BAP1: variants seen among roughly 807,000 people sequenced by gnomAD.
The protein encoded by BAP1 is ubiquitin carboxyl-terminal hydrolase BAP1.
In BAP1, 16 loss-of-function variants were observed where a neutral mutation model predicts 77.2. That is an observed-to-expected ratio of 0.21 (90% CI 0.14 to 0.31). The LOEUF (loss-of-function observed/expected upper bound fraction) is 0.31, where lower values mean the gene tolerates loss of function less well. BAP1 is among the 10% of genes least tolerant of loss of function. BAP1 has a pLI of 1.00. For missense variants in BAP1, 699 were observed against 967.3 expected, an observed-to-expected ratio of 0.72 and a Z score of 3.68; for synonymous variants, 362 against 385.2, an observed-to-expected ratio of 0.94 and a Z score of 0.71.
In BAP1 at chr3:52,402,322, T is replaced by C; in HGVS notation, c.2156A>G (p.Lys719Arg). The C allele has an allele frequency of 6.3e-7, 1 of 1,595,686 alleles. No individual in the cohort carries two copies. The highest frequency in any genetic ancestry group is 1.1e-5 in the South Asian group (1 of 88,040). The change falls in exon 17 of 17, where the codon AAA (lysine) becomes AGA (arginine). Residue 719 changes from lysine (K) to arginine (R), a missense_variant. Coordinates refer to ENST00000460680, the MANE Select transcript of BAP1 (RefSeq NM_004656.4). The surrounding 1 kb of genome is among the most constrained non-coding windows in gnomAD (Gnocchi z 5.3). Reference protein sequence around the residue: ...LHKQRKPDRRKRSRPYKAKRQ With the variant: ...LHKQRKPDRRRRSRPYKAKRQ The stretch of plus-strand genomic sequence containing the variant: ...CTTGGCCTTGTAGGGGCGAGAGCGT[T>C]TCCGCCGGTCAGGCTTCCGCTGCTT...
intron 12 of BAP1, 146 bp downstream of exon 12, chr3:52,404,307 C>T: frequency 2.2e-6 from 3 of 1,380,310 alleles, no homozygotes. Flanking sequence ...CTGGGGTCAG[C>T]CCCATCATGC....
rs924673060 is a variant in BAP1 at position 52,403,906 on chromosome 3, G to A, written c.1251-12C>T. 7.4e-6 allele frequency: 12 copies of A among 1,613,368 alleles called. No homozygotes were observed. Among genetic ancestry groups the A allele is most frequent in the African/African-American group, 4.0e-5 (3 of 74,896 alleles). ...CCTTCCCCTTATACCTGTGGGGCCC[G>A]AGAAGATGTGAAGCAAGGGAACGGG... On this transcript the variant is annotated splice_polypyrimidine_tract_variant and intron_variant, in intron 12 of 16. Transcript: ENST00000460680. This position sits in a 1 kb window ranked among gnomAD's most constrained non-coding sequence, Gnocchi z 4.0.
rs1325337957 is a variant in BAP1, at chr3:52,401,793, G to GGGCCCAGAGCCCAGGGCC, written c.*477_*494dup. The GGGCCCAGAGCCCAGGGCC allele has an allele frequency of 3.9e-6, 1 of 253,458 alleles. No individual in the cohort carries two copies. Among genetic ancestry groups the GGGCCCAGAGCCCAGGGCC allele is most frequent in the Non-Finnish European group, 7.7e-6 (1 of 129,182 alleles). 15.7% of individuals were successfully genotyped at this position (253,458 alleles called of 1,614,324 possible). ...GCTGGTGGCTGGGGCTAGAGCAGCA[G>GGGCCCAGAGCCCAGGGCC]GGCCCAGAGCCCAGGGCCCACCCAG... On this transcript the variant is annotated 3_prime_UTR_variant, in exon 17 of 17. Transcript: ENST00000460680.
In BAP1 at chr3:52,408,602, C is replaced by G. The variant is rs772586945; in HGVS notation, c.127G>C (p.Val43Leu). 1 of 1,609,220 alleles carries G rather than the reference C, an allele frequency of 6.2e-7. No homozygotes were observed. The highest frequency in any genetic ancestry group is 8.5e-7 in the Non-Finnish European group (1 of 1,177,996). ...TTGAACAGGAAGATAAATCCATATA[C>G]AGGGCTGGGGGAAGTAAGGGGCAGA... is the stretch of plus-strand genomic sequence containing the variant. Reference protein sequence around the residue: ...YDLQSKCQGPVYGFIFLFKWI... With the variant: ...YDLQSKCQGPLYGFIFLFKWI... Residue 43 changes from valine (V) to leucine (L), a missense_variant, in exon 4 of 17, where the codon GTA becomes CTA. Physicochemically the swap from Val to Leu is conservative, Grantham distance 32. This residue lies in a region of BAP1 where 160 missense variants were observed against 322.8 expected (regional missense o/e 0.50). Coordinates refer to ENST00000460680, the MANE Select transcript of BAP1 (RefSeq NM_004656.4).
chr3:52,409,404 G>C (rs951425763), intron 3 of BAP1, 150 bp downstream of exon 3: 4 of 1,069,682 alleles, frequency 3.7e-6, no homozygotes, highest in Non-Finnish European at 5.8e-6. Context: ...AGTTTGATCA[G>C]GAGCGGGCAC....
chr3:52,403,489 A>G lies in BAP1; in HGVS notation c.1656T>C (p.Asp552=), dbSNP rs778423438. Residue 552 remains aspartate, a synonymous_variant, in exon 13 of 17, where the codon GAT becomes GAC. Coordinates refer to ENST00000460680, the MANE Select transcript of BAP1 (RefSeq NM_004656.4). The surrounding 1 kb of genome is among the most constrained non-coding windows in gnomAD (Gnocchi z 4.0). ...DCIRYNRAVR[D]LGPVISTGLL... The stretch of plus-strand genomic sequence containing the variant: ...GGCCTGTGCTGATGACAGGACCCAG[A>G]TCACGGACAGCACGGTTGTAGCGTA... The G allele has an allele frequency of 1.2e-6, 2 of 1,613,984 alleles. No homozygotes were observed. The highest frequency in any genetic ancestry group is 2.2e-5 in the East Asian group (1 of 44,882).
rs1395021877 is a variant in BAP1, at chr3:52,403,362, TC to T, written c.1729+53del. 1.0e-4 allele frequency: 168 copies of T among 1,611,912 alleles called. No individual in the cohort carries two copies. Among genetic ancestry groups the T allele is most frequent in the Non-Finnish European group, 1.4e-4 (161 of 1,179,250 alleles). On this transcript the variant is annotated intron_variant, in intron 13 of 16. Coordinates refer to ENST00000460680, the MANE Select transcript of BAP1 (RefSeq NM_004656.4). This position sits in a 1 kb window ranked among gnomAD's most constrained non-coding sequence, Gnocchi z 4.0. The stretch of plus-strand genomic sequence containing the variant: ...GACACTTTGTGGTCACTTGGCCACT[TC>T]CCTCCTCCCTCCTGGGTGCACCAAG...
rs865868131 is a variant in BAP1 at position 52,406,446 on chromosome 3, C to G, written c.660-70G>C. The G allele has an allele frequency of 6.2e-7, 1 of 1,601,606 alleles. No homozygotes were observed. Among genetic ancestry groups the G allele is most frequent in the South Asian group, 1.1e-5 (1 of 90,396 alleles). ...CCGCCATCAGGTTGAGGCAGATATC[C>G]TGGCAGGGCTCCCTGCAGTCACACC... On this transcript the variant is annotated intron_variant, in intron 8 of 16. Coordinates refer to ENST00000460680, the MANE Select transcript of BAP1 (RefSeq NM_004656.4). The surrounding 1 kb of genome is among the most constrained non-coding windows in gnomAD (Gnocchi z 4.6).
chr3:52,408,698 C>T (rs1015880029), intron 3 of BAP1, 92 bp from the exon 4 acceptor site: 21 of 1,448,022 alleles, frequency 1.5e-5, no homozygotes, highest in African/African-American at 2.8e-5. Context: ...TGCACTGCGT[C>T]ATCACTCAGG....
intron 3 of BAP1, 98 bp downstream of exon 3, chr3:52,409,456 T>A (rs912962299): frequency 1.3e-6 from 2 of 1,485,782 alleles, no homozygotes; most frequent in African/African-American, 1.4e-5. Context: ...TTTTACAACG[T>A]AGGGTTCCTG....
chr3:52,407,857 A>G (rs1705215236), intron 5 of BAP1, 101 bp downstream of exon 5: 8 of 1,536,584 alleles, frequency 5.2e-6, no homozygotes, highest in Non-Finnish European at 7.1e-6. Flanking sequence ...AAAAAGAAAC[A>G]GCCTAATAGT....
chr3:52,402,035 C>T lies in BAP1; in HGVS notation c.*253G>A. The T allele has an allele frequency of 1.6e-6, 1 of 611,342 alleles. No homozygotes were observed. The highest frequency in any genetic ancestry group is 2.8e-6 in the Non-Finnish European group (1 of 352,448). 37.9% of individuals were successfully genotyped at this position (611,342 alleles called of 1,614,324 possible). A position where few individuals can be genotyped will look rare whatever the true frequency, so the allele number is the denominator to read the frequency against. On this transcript the variant is annotated 3_prime_UTR_variant, in exon 17 of 17. Transcript: ENST00000460680. This position sits in a 1 kb window ranked among gnomAD's most constrained non-coding sequence, Gnocchi z 5.3. Reference sequence around the variant, plus strand: ...CCAGGTCCTGCTGCTCCACAGCCGGCTGTGGAGGAAGCTGCAGTACCTCGC... The same window carrying T: ...CCAGGTCCTGCTGCTCCACAGCCGGTTGTGGAGGAAGCTGCAGTACCTCGC...
At chr3:52,404,304 C>T (rs1705075258) in intron 12 of BAP1, 149 bp downstream of exon 12, 2 of 1,342,174 alleles carry the variant, frequency 1.5e-6, no homozygotes, top group African/African-American at 1.4e-5. Flanking sequence ...GACCTGGGGT[C>T]AGCCCCATCA....
rs777869443 is a variant in BAP1 at position 52,408,533 on chromosome 3, C to T, written c.196G>A (p.Val66Met). 6.2e-7 allele frequency: 1 copy of T among 1,612,234 alleles called. No individual in the cohort carries two copies. Among genetic ancestry groups the T allele is most frequent in the Non-Finnish European group, 8.5e-7 (1 of 1,179,240 alleles). Reference protein sequence around the residue: ...RRSRRKVSTLVDDTSVIDDDI... With the variant: ...RRSRRKVSTLMDDTSVIDDDI... ...TCATCAATCACGGACGTATCATCCA[C>T]CAAGGTAGAGACCTTTCGCCGGGAC... The change falls in exon 4 of 17, where the codon GTG becomes ATG. Residue 66 changes from valine to methionine, a missense_variant. Physicochemically the swap from Val to Met is conservative, Grantham distance 21. This residue lies in a region of BAP1 where 160 missense variants were observed against 322.8 expected (regional missense o/e 0.50). Coordinates refer to ENST00000460680, the MANE Select transcript of BAP1 (RefSeq NM_004656.4).
At position 52,404,665 on chromosome 3, in the gene BAP1, A is replaced by G. The variant is rs560680124; in HGVS notation, c.1117-79T>C. On this transcript the variant is annotated intron_variant, in intron 11 of 16. Transcript: ENST00000460680. ...CCTAGACACTCACAGCCAGAGAGAA[A>G]GCCAACATGGTTTTCCAGACTGAGT... The G allele has an allele frequency of 5.2e-5, 80 of 1,550,596 alleles. No homozygotes were observed. In the South Asian group the frequency reaches 5.5e-4, roughly 11 times the overall value.
At chr3:52,407,044 C>A (rs1395222251) in intron 7 of BAP1, 130 bp downstream of exon 7, 3 of 1,522,236 alleles carry the variant, frequency 2.0e-6, no homozygotes, top group Non-Finnish European at 1.8e-6. Context: ...TAGGGTGAAA[C>A]CCCAGCCAGA....
chr3:52,407,518 G>A (rs2153228018), intron 5 of BAP1, 58 bp from the exon 6 acceptor site: 1 of 1,609,290 alleles, frequency 6.2e-7, no homozygotes. Context: ...AGGACTATGG[G>A]TGGAAGGCAA....
At chr3:52,405,678 GAA>G (rs1174038371) in intron 10 of BAP1, 85 bp downstream of exon 10, 2 of 1,565,794 alleles carry the variant, frequency 1.3e-6, no homozygotes, top group Non-Finnish European at 1.7e-6. Context: ...GACATCCCCA[GAA>G]AAAGACTTTC....
intron 3 of BAP1, 60 bp downstream of exon 3, chr3:52,409,494 C>T (rs1705287612): frequency 6.2e-7 from 1 of 1,605,398 alleles, no homozygotes; most frequent in Non-Finnish European, 8.5e-7. Context: ...GGGCCCTGTT[C>T]TCTGGGACCT....
Sources: gnomAD v4.1 joint callset for allele counts on GRCh38, gnomAD v4.1.1 for gene constraint, gnomAD v4.1.1 regional missense constraint, Gnocchi (gnomAD v3.1) non-coding constraint, MANE v1.5 for transcripts, NCBI Gene and HGNC (gene_info 2026-07-23, HGNC 2026-07-21) for gene names.